The following KCTD7 variants were observed in gnomAD, a reference collection of about 807,000 sequenced individuals.
The protein encoded by KCTD7 is BTB/POZ domain-containing protein KCTD7.
In KCTD7, 15 loss-of-function variants were observed where a neutral mutation model predicts 27.0. That is an observed-to-expected ratio of 0.56 (90% CI 0.37 to 0.86). KCTD7 has a LOEUF of 0.86. Among genes scored for constraint, KCTD7 ranks in the 40% least tolerant of loss-of-function variants. The pLI is 0.00. For missense variants in KCTD7, 299 were observed against 398.9 expected, an observed-to-expected ratio of 0.75 and a Z score of 2.13; for synonymous variants, 159 against 162.7, an observed-to-expected ratio of 0.98 and a Z score of 0.17.
At chr7:66,634,674 A>G (rs1214454029) in intron 2 of KCTD7, among the ~76,000 whole-genome samples, 2 of 152,148 alleles carry the variant, frequency 1.3e-5, no homozygotes, top group East Asian at 1.9e-4. Flanking sequence ...TGCCATGGGA[A>G]GGAGGCATGG....
In KCTD7 at chr7:66,639,456, C is replaced by G; in HGVS notation, c.*224C>G. ...CGGCCTGCAGGCACTCCAGCCAGCG[C>G]TCACCTGGCCTTTCCTCAAGGCATG... On this transcript the variant is annotated 3_prime_UTR_variant, in exon 4 of 4. Coordinates refer to ENST00000639828, the MANE Select transcript of KCTD7 (RefSeq NM_153033.5). 1 of 1,441,692 alleles carries G rather than the reference C, an allele frequency of 6.9e-7. No individual in the cohort carries two copies. The highest frequency in any genetic ancestry group is 1.4e-5 in the South Asian group (1 of 69,344). The allele number at this position is 1,441,692 out of a possible 1,614,324, so 89.3% of individuals were successfully genotyped here. A position where few individuals can be genotyped will look rare whatever the true frequency, so the allele number is the denominator to read the frequency against.
At position 66,641,144 on chromosome 7, in the gene KCTD7, T is replaced by G. The variant is rs985334645; in HGVS notation, c.*1912T>G. 1.0e-6 allele frequency: 1 copy of G among 985,426 alleles called. No homozygotes were observed. The highest frequency in any genetic ancestry group is 1.2e-6 in the Non-Finnish European group (1 of 829,950). The allele number at this position is 985,426 out of a possible 1,614,324, so 61.0% of individuals were successfully genotyped here. ...CATTCACGTTCTGAGATATGCGCTC[T>G]CTCTATTGTTCTCGTACACAAAGGG... On this transcript the variant is annotated 3_prime_UTR_variant, in exon 4 of 4. Transcript: ENST00000639828.
chr7:66,632,488 C>CAAA (rs79868578), intron 1 of KCTD7, among the ~76,000 whole-genome samples: 1 of 52,606 alleles, frequency 1.9e-5, no homozygotes, highest in Non-Finnish European at 3.8e-5. Flanking sequence ...GACTCCGTCT[C>CAAA]AAAAAAAAAA....
chr7:66,637,838 G>A (rs536884884), intron 2 of KCTD7, among the ~76,000 whole-genome samples: 1 of 151,864 alleles, frequency 6.6e-6, no homozygotes, highest in Admixed American at 6.6e-5. Flanking sequence ...CAACTGAACT[G>A]TACAGTTAAT....
At chr7:66,632,797 A>G (rs540701809) in intron 1 of KCTD7, among the ~76,000 whole-genome samples, 2 of 151,992 alleles carry the variant, frequency 1.3e-5, no homozygotes, top group South Asian at 4.2e-4. Flanking sequence ...TAATCCCAGC[A>G]CTTTGGGAGG....
chr7:66,629,171 C>A lies in KCTD7; in HGVS notation c.107C>A (p.Thr36Lys). ...DFLEPATPTATQAGHALPLLP... is the reference protein window; with the variant it reads ...DFLEPATPTAKQAGHALPLLP... ...CTGGAGCCGGCCACGCCGACGGCCA[C>A]GCAGGCGGGGCACGCGCTGCCCCTG... is the stretch of plus-strand genomic sequence containing the variant. Residue 36 changes from threonine (T) to lysine (K), a missense_variant, in exon 1 of 4, where the codon ACG (threonine) becomes AAG (lysine). Coordinates refer to ENST00000639828, the MANE Select transcript of KCTD7 (RefSeq NM_153033.5). The A allele has an allele frequency of 6.6e-7, 1 of 1,520,012 alleles. No individual in the cohort carries two copies. Among genetic ancestry groups the A allele is most frequent in the Non-Finnish European group, 8.8e-7 (1 of 1,134,228 alleles). The allele number at this position is 1,520,012 out of a possible 1,614,324, so 94.2% of individuals were successfully genotyped here.
Position 66,639,696 on chromosome 7 carries a change from C to G in KCTD7, c.*464C>G. 4 of 1,253,102 alleles carry G rather than the reference C, an allele frequency of 3.2e-6. No individual in the cohort carries two copies. The highest frequency in any genetic ancestry group is 4.0e-6 in the Non-Finnish European group (4 of 999,808). 77.6% of individuals were successfully genotyped at this position (1,253,102 alleles called of 1,614,324 possible). ...GGAACATGATGGGGGATTTACCTGA[C>G]CAGCCACCCCATAGCCCCTGGCTGA... On this transcript the variant is annotated 3_prime_UTR_variant, in exon 4 of 4. Transcript: ENST00000639828.
chr7:66,640,391 C>T lies in KCTD7; in HGVS notation c.*1159C>T, dbSNP rs1461988805. 6.5e-7 allele frequency: 1 copy of T among 1,537,306 alleles called. No homozygotes were observed. The highest frequency in any genetic ancestry group is 2.0e-5 in the Admixed American group (1 of 50,996). ...TTTTGGTTTACTTACTCCTCTATTT[C>T]AGAAATTGAAAAAGATCCCCAAGGA... On this transcript the variant is annotated 3_prime_UTR_variant, in exon 4 of 4. Transcript: ENST00000639828.
chr7:66,632,236 C>G, intron 1 of KCTD7, among the ~76,000 whole-genome samples: 1 of 150,680 alleles, frequency 6.6e-6, no homozygotes, highest in Non-Finnish European at 1.5e-5. Context: ...GCCGGTAATC[C>G]CAGCACTTGG....
rs1373441459 is a variant in KCTD7, at chr7:66,638,530, A to G, written c.493+99A>G. 4.6e-6 allele frequency: 6 copies of G among 1,291,936 alleles called. 1 individual carries two copies. The highest frequency in any genetic ancestry group is 6.5e-6 in the Non-Finnish European group (6 of 916,134). 80.0% of individuals were successfully genotyped at this position (1,291,936 alleles called of 1,614,324 possible). On this transcript the variant is annotated intron_variant, in intron 3 of 3. Coordinates refer to ENST00000639828, the MANE Select transcript of KCTD7 (RefSeq NM_153033.5). ...CATCAGAACACCGGGGGCAGCATTC[A>G]TCCAGATTACTCAAGATGCGATGGA...
At chr7:66,629,423 T>C (rs962484084) in intron 1 of KCTD7, among the ~76,000 whole-genome samples, 2 of 143,956 alleles carry the variant, frequency 1.4e-5, no homozygotes, top group Non-Finnish European at 3.0e-5. Context: ...CTAGGTGTGC[T>C]TCCCCACCCC....
chr7:66,634,301 C>A (rs1396159843), intron 2 of KCTD7, among the ~76,000 whole-genome samples: 1 of 151,690 alleles, frequency 6.6e-6, no homozygotes, highest in African/African-American at 2.4e-5. Flanking sequence ...AGTCCTCCCA[C>A]CTTGGCCTCC....
At position 66,629,146 on chromosome 7, in the gene KCTD7, C is replaced by T. The variant is rs2116755532; in HGVS notation, c.82C>T (p.Leu28=). ...MSSSDAEDDF[L]EPATPTATQA... ...CAGCTCTGACGCCGAAGACGACTTT[C>T]TGGAGCCGGCCACGCCGACGGCCAC... Residue 28 remains leucine, a synonymous_variant, in exon 1 of 4, where the codon CTG becomes TTG. Transcript: ENST00000639828. The T allele has an allele frequency of 1.3e-6, 2 of 1,531,486 alleles. No homozygotes were observed. Among genetic ancestry groups the T allele is most frequent in the African/African-American group, 1.4e-5 (1 of 70,120 alleles). The allele number at this position is 1,531,486 out of a possible 1,614,324, so 94.9% of individuals were successfully genotyped here.
At position 66,640,129 on chromosome 7, in the gene KCTD7, T is replaced by G. The variant is rs898260118; in HGVS notation, c.*897T>G. ...CTATCTCATGTGTTAGAATCCAGTT[T>G]GTGGTGAACCTCTTTGGAAGGGGAC... On this transcript the variant is annotated 3_prime_UTR_variant, in exon 4 of 4. Coordinates refer to ENST00000639828, the MANE Select transcript of KCTD7 (RefSeq NM_153033.5). 3.7e-6 allele frequency: 5 copies of G among 1,345,726 alleles called. No individual in the cohort carries two copies. The highest frequency in any genetic ancestry group is 3.8e-6 in the Non-Finnish European group (4 of 1,055,322). The allele number at this position is 1,345,726 out of a possible 1,614,324, so 83.4% of individuals were successfully genotyped here.
In KCTD7 at chr7:66,642,675, C is replaced by G. The variant is rs1013992683; in HGVS notation, c.*3443C>G. The G allele has an allele frequency of 7.1e-6, 7 of 985,230 alleles. No homozygotes were observed. The highest frequency in any genetic ancestry group is 8.4e-6 in the Non-Finnish European group (7 of 829,942). 61.0% of individuals were successfully genotyped at this position (985,230 alleles called of 1,614,324 possible). The stretch of plus-strand genomic sequence containing the variant: ...GGGTACTATTTTGCTGGGGCTCTTG[C>G]GTGAAGGTGGTACCTGTCTCATGAT... On this transcript the variant is annotated 3_prime_UTR_variant, in exon 4 of 4. Coordinates refer to ENST00000639828, the MANE Select transcript of KCTD7 (RefSeq NM_153033.5).
intron 2 of KCTD7, among the ~76,000 whole-genome samples, chr7:66,634,128 A>ATATATG (rs1786523401): frequency 6.8e-6 from 1 of 146,264 alleles, no homozygotes; most frequent in African/African-American, 2.5e-5. Flanking sequence ...ATATATATAT[A>ATATATG]TATATATATG....
Position 66,638,842 on chromosome 7 carries a change from G to A in KCTD7, c.494-14G>A, listed in dbSNP as rs1198171302. On this transcript the variant is annotated splice_polypyrimidine_tract_variant and intron_variant, in intron 3 of 3. Transcript: ENST00000639828. ...TCTTCACCCTAGTGATAGGTGTTGT[G>A]TTCATCCTTATAGACCACTTGGAGC... 4 of 1,613,688 alleles carry A rather than the reference G, an allele frequency of 2.5e-6. No homozygotes were observed. The highest frequency in any genetic ancestry group is 1.7e-5 in the Admixed American group (1 of 59,992).
chr7:66,638,506 A>C, intron 3 of KCTD7, 75 bp downstream of exon 3: 1 of 1,462,654 alleles, frequency 6.8e-7, no homozygotes, highest in Non-Finnish European at 9.5e-7. Flanking sequence ...TTAGGTCTCC[A>C]TCAGAACACC....
In KCTD7 at chr7:66,639,340, G is replaced by T. The variant is rs2116776109; in HGVS notation, c.*108G>T. 1 of 1,582,822 alleles carries T rather than the reference G, an allele frequency of 6.3e-7. No individual in the cohort carries two copies. Among genetic ancestry groups the T allele is most frequent in the Non-Finnish European group, 8.5e-7 (1 of 1,171,194 alleles). Reference sequence around the variant, plus strand: ...GCTGACTGCCCCAGAATCTGCCGAGGTGAGAACAGCATCCTGAGGCACAGC... The same window carrying T: ...GCTGACTGCCCCAGAATCTGCCGAGTTGAGAACAGCATCCTGAGGCACAGC... On this transcript the variant is annotated 3_prime_UTR_variant, in exon 4 of 4. Transcript: ENST00000639828.
Sources: gnomAD v4.1 joint callset for allele counts (sites outside exome capture counted in the v4.1 genomes callset) on GRCh38, gnomAD v4.1.1 for gene constraint, MANE v1.5 for transcripts, NCBI Gene and HGNC (gene_info 2026-07-23, HGNC 2026-07-21) for gene names.